KCNQ5: variants seen among roughly 807,000 people sequenced by gnomAD.
KCNQ5 encodes the protein potassium voltage-gated channel subfamily KQT member 5.
KCNQ5 carries 30 observed loss-of-function variants against 98.2 expected under a neutral mutation model. The ratio of observed to expected loss-of-function variants is 0.31; its 90% confidence interval spans 0.23 to 0.41. The LOEUF is 0.41. Ranked by LOEUF, KCNQ5 falls within the 10% of genes least tolerant of loss-of-function variation. The pLI, the probability that KCNQ5 is intolerant of heterozygous loss-of-function variation, is 1.00. For synonymous variants in KCNQ5, 458 were observed against 449.4 expected, an observed-to-expected ratio of 1.02 and a Z score of -0.24; for missense variants, 835 against 1,182.5, an observed-to-expected ratio of 0.71 and a Z score of 4.31.
intron 2 of KCNQ5, among the ~76,000 whole-genome samples, chr6:73,022,988 G>C (rs1271596921): frequency 1.3e-5 from 2 of 152,172 alleles, no homozygotes; most frequent in East Asian, 3.9e-4. Context: ...GTAGCACAAT[G>C]ACCTGATCTG....
intron 1 of KCNQ5, among the ~76,000 whole-genome samples, chr6:72,635,897 G>GA (rs2098923839): frequency 6.6e-6 from 1 of 151,794 alleles, no homozygotes; most frequent in Non-Finnish European, 1.5e-5. Context: ...GAGACTTCTA[G>GA]AAAATGTGGA....
At chr6:73,190,452 A>G (rs1765551556) in intron 11 of KCNQ5, 121 bp from the exon 12 acceptor site, 1 of 480,290 alleles carries the variant, frequency 2.1e-6, no homozygotes, top group Non-Finnish European at 3.4e-6. Context: ...TGCAGAAGCC[A>G]AAAATAATTT....
intron 1 of KCNQ5, among the ~76,000 whole-genome samples, chr6:72,643,241 C>T (rs1353129634): frequency 1.3e-5 from 2 of 152,090 alleles, no homozygotes; most frequent in Non-Finnish European, 2.9e-5. Flanking sequence ...CAAACCTGCA[C>T]ATGTACCCCT....
intron 1 of KCNQ5, among the ~76,000 whole-genome samples, chr6:72,867,086 G>A (rs1197331257): frequency 3.9e-5 from 6 of 152,186 alleles, no homozygotes; most frequent in African/African-American, 4.8e-5. Context: ...ATAAGTATAT[G>A]TGTATACATA....
At chr6:72,891,954 T>C (rs563053854) in intron 1 of KCNQ5, among the ~76,000 whole-genome samples, 1 of 152,294 alleles carries the variant, frequency 6.6e-6, no homozygotes, top group East Asian at 1.9e-4. Context: ...ACACTGTGAA[T>C]ACTACACTTT....
chr6:73,193,195 A>G (rs1298409477), intron 13 of KCNQ5, among the ~76,000 whole-genome samples: 1 of 151,398 alleles, frequency 6.6e-6, no homozygotes, highest in African/African-American at 2.4e-5. Context: ...GAATTTTTGT[A>G]TTTTTAGTAG....
intron 10 of KCNQ5, chr6:73,157,712 C>A (rs1202787285): frequency 3.9e-6 from 3 of 776,442 alleles, no homozygotes; most frequent in Non-Finnish European, 7.2e-6. Flanking sequence ...ATCAGAGCAG[C>A]CCCCATCAGG....
intron 11 of KCNQ5, among the ~76,000 whole-genome samples, chr6:73,184,333 T>C (rs897404768): frequency 6.6e-6 from 1 of 152,246 alleles, no homozygotes; most frequent in African/African-American, 2.4e-5. Flanking sequence ...GTCCTAACTA[T>C]TGAATGAGTG....
At chr6:72,764,379 T>C (rs573508382) in intron 1 of KCNQ5, among the ~76,000 whole-genome samples, 1 of 152,172 alleles carries the variant, frequency 6.6e-6, no homozygotes, top group South Asian at 2.1e-4. Flanking sequence ...ATTAAGTATC[T>C]GCTATGTGCT....
At chr6:73,030,646 T>G (rs1771102923) in intron 2 of KCNQ5, among the ~76,000 whole-genome samples, 1 of 152,182 alleles carries the variant, frequency 6.6e-6, no homozygotes. Context: ...TTTTCTGTTT[T>G]GCTAGGAAGT....
At chr6:73,144,649 A>G (rs535333761) in intron 10 of KCNQ5, among the ~76,000 whole-genome samples, 88 of 152,326 alleles carry the variant, frequency 5.8e-4, no homozygotes, top group African/African-American at 1.8e-3. Context: ...TAAAACAGCA[A>G]CCATTTGTTT....
intron 5 of KCNQ5, among the ~76,000 whole-genome samples, chr6:73,083,625 A>AC: frequency 6.6e-6 from 1 of 152,382 alleles, no homozygotes; most frequent in East Asian, 1.9e-4. Context: ...GCTTTAGGCT[A>AC]AAATAAAATA....
At chr6:72,690,340 A>G (rs1768153139) in intron 1 of KCNQ5, among the ~76,000 whole-genome samples, 1 of 152,184 alleles carries the variant, frequency 6.6e-6, no homozygotes, top group East Asian at 1.9e-4. Flanking sequence ...TAATTTCATC[A>G]TCATCATATT....
chr6:73,115,084 G>T (rs1390416486), intron 7 of KCNQ5, among the ~76,000 whole-genome samples: 3 of 151,902 alleles, frequency 2.0e-5, no homozygotes, highest in Non-Finnish European at 4.4e-5. Context: ...TGGGAGGATT[G>T]CTTGAGTTCA....
At chr6:73,010,122 A>G (rs547549546) in intron 2 of KCNQ5, among the ~76,000 whole-genome samples, 1 of 152,264 alleles carries the variant, frequency 6.6e-6, no homozygotes, top group East Asian at 1.9e-4. Context: ...AAATGCTCGT[A>G]TATTTACCAG....
chr6:73,162,368 G>C (rs754637399), intron 10 of KCNQ5, among the ~76,000 whole-genome samples: 1 of 152,198 alleles, frequency 6.6e-6, no homozygotes, highest in Non-Finnish European at 1.5e-5. Context: ...GCCAAGCATG[G>C]ACCATTCATG....
At chr6:72,671,580 T>C (rs1303918048) in intron 1 of KCNQ5, among the ~76,000 whole-genome samples, 1 of 152,218 alleles carries the variant, frequency 6.6e-6, no homozygotes, top group Non-Finnish European at 1.5e-5. Flanking sequence ...GCTTAAATTT[T>C]CTAATATTAT....
chr6:73,158,070 C>T (rs1777439858), intron 10 of KCNQ5: 9 of 547,772 alleles, frequency 1.6e-5, no homozygotes, highest in Admixed American at 2.4e-5. Flanking sequence ...TCCAGGACGC[C>T]GCCGGAACCC....
intron 1 of KCNQ5, among the ~76,000 whole-genome samples, chr6:72,793,134 T>G (rs928029930): frequency 3.9e-5 from 6 of 152,250 alleles, no homozygotes; most frequent in African/African-American, 7.2e-5. Context: ...TGGACAGTTA[T>G]GTAGGTAAAA....
Sources: allele counts gnomAD v4.1 joint callset (sites outside exome capture counted in the v4.1 genomes callset), GRCh38; gene constraint gnomAD v4.1.1; transcripts MANE v1.5; gene names NCBI Gene and HGNC (gene_info 2026-07-23, HGNC 2026-07-21).